Variants in STK32B observed in about 807,000 individuals in gnomAD.
The protein encoded by STK32B is serine/threonine kinase 32B, also known as serine/threonine-protein kinase 32B.
STK32B carries 43 observed loss-of-function variants against 52.6 expected under a neutral mutation model. The observed-to-expected ratio is 0.82, with a 90% CI of 0.64 to 1.05. The LOEUF is 1.05. Ranked by LOEUF, STK32B falls within the 50% of genes least tolerant of loss-of-function variation. STK32B has a pLI of 0.00. For missense variants in STK32B, 621 were observed against 534.6 expected, an observed-to-expected ratio of 1.16 and a Z score of -1.59; for synonymous variants, 238 against 204.3, an observed-to-expected ratio of 1.17 and a Z score of -1.41.
At chr4:5,282,965 A>G (rs28844367) in intron 3 of STK32B, among the ~76,000 whole-genome samples, 2,310 of 152,288 alleles carry the variant, frequency 0.015, 38 homozygotes, top group East Asian at 0.071. Context: ...AAACTACAGT[A>G]TACAATACAT....
chr4:5,134,777 A>G (rs1715979446), intron 1 of STK32B, among the ~76,000 whole-genome samples: 1 of 152,204 alleles, frequency 6.6e-6, no homozygotes, highest in Non-Finnish European at 1.5e-5. Context: ...CAGGAACGGG[A>G]TGTTTGCTTA....
At chr4:5,062,671 G>A (rs1164504681) in intron 1 of STK32B, among the ~76,000 whole-genome samples, 2 of 151,958 alleles carry the variant, frequency 1.3e-5, no homozygotes, top group African/African-American at 4.8e-5. Flanking sequence ...ACCATGCCCC[G>A]CTAATTTCTT....
rs1220200505 is a variant in STK32B, at chr4:5,398,257, C to CT, written c.472+14dup. On this transcript the variant is annotated intron_variant, in intron 5 of 11. Coordinates refer to ENST00000282908, the MANE Select transcript of STK32B (RefSeq NM_018401.3). The surrounding 1 kb of genome is among the most constrained non-coding windows in gnomAD (Gnocchi z 4.9). ...CTGGATGAACACGGTAAGCCTGCTA[C>CT]TAATCCTTTACAGGGACTCTCAGTG... 1 of 1,613,840 alleles carries CT rather than the reference C, an allele frequency of 6.2e-7. No individual in the cohort carries two copies. The highest frequency in any genetic ancestry group is 8.5e-7 in the Non-Finnish European group (1 of 1,179,972).
rs375929367 is a variant in STK32B, at chr4:5,316,869, T to A, written c.261-14351T>A. On this transcript the variant is annotated intron_variant, in intron 3 of 11. Transcript: ENST00000282908. Reference sequence around the variant, plus strand: ...ATAATATATTATATATATTATATATTATATATAATATATTATATATATTAT... The same window carrying A: ...ATAATATATTATATATATTATATATAATATATAATATATTATATATATTAT... 0.013 allele frequency among the ~76,000 whole-genome samples: 15 copies of A among 1,170 alleles called. No individual in the cohort carries two copies. In the East Asian group the frequency reaches 0.17, roughly 13 times the overall value. 0.8% of individuals were successfully genotyped at this position (1,170 alleles called of 152,430 possible).
At chr4:5,027,835 T>A in the STK32B span, among the ~76,000 whole-genome samples, 1 of 152,192 alleles carries the variant, frequency 6.6e-6, no homozygotes, top group South Asian at 2.1e-4. Flanking sequence ...TTGCCAGCAG[T>A]TAAGTCTTTT....
intron 3 of STK32B, among the ~76,000 whole-genome samples, chr4:5,207,020 C>T (rs901955016): frequency 6.6e-6 from 1 of 152,176 alleles, no homozygotes; most frequent in African/African-American, 2.4e-5. Context: ...AACTATGGCT[C>T]ATGGGCCAAA....
chr4:5,137,725 C>T (rs1025729450), intron 1 of STK32B, among the ~76,000 whole-genome samples: 1 of 152,312 alleles, frequency 6.6e-6, no homozygotes, highest in South Asian at 2.1e-4. Context: ...TCCTCCCAAA[C>T]TGTTAGATGT....
chr4:5,482,282 T>C (rs970946119), intron 11 of STK32B, among the ~76,000 whole-genome samples: 2 of 152,154 alleles, frequency 1.3e-5, no homozygotes, highest in Non-Finnish European at 2.9e-5. Flanking sequence ...TTGTAGTTCT[T>C]CTTGAAGAGG....
Position 5,053,904 on chromosome 4 carries a change from G to A in STK32B, c.52+1989G>A, listed in dbSNP as rs377676336. Among the ~76,000 whole-genome samples, 25 of 152,098 alleles carry A rather than the reference G, an allele frequency of 1.6e-4. No homozygotes were observed. The East Asian group carries it at 2.5e-3, about 15-fold the overall frequency. On this transcript the variant is annotated intron_variant, in intron 1 of 11. Transcript: ENST00000282908. ...TGAGGCAGGAGAATCGCTTGAACCCGGGAGGCGGAGGTTGCAGTGAGCTGA... is the reference window on the plus strand; with the variant it reads ...TGAGGCAGGAGAATCGCTTGAACCCAGGAGGCGGAGGTTGCAGTGAGCTGA...
At chr4:5,235,561 A>G (rs7680191) in intron 3 of STK32B, among the ~76,000 whole-genome samples, 129,001 of 151,864 alleles carry the variant, frequency 0.85, 56,415 homozygotes, top group Non-Finnish European at 0.96. Flanking sequence ...GATAATAGAA[A>G]GTTACACCTT....
chr4:5,479,674 C>T (rs1718525657), intron 11 of STK32B, among the ~76,000 whole-genome samples: 4 of 152,144 alleles, frequency 2.6e-5, no homozygotes, highest in Admixed American at 2.0e-4. Flanking sequence ...GGGTCTCTTC[C>T]AGGGATTCTA....
chr4:5,451,032 A>C (rs969477940), intron 7 of STK32B, among the ~76,000 whole-genome samples: 2 of 152,222 alleles, frequency 1.3e-5, no homozygotes, highest in Admixed American at 6.5e-5. Flanking sequence ...TGGCTTCCTC[A>C]TTCACAAAAG....
intron 3 of STK32B, among the ~76,000 whole-genome samples, chr4:5,263,760 C>T (rs1374298418): frequency 1.3e-5 from 2 of 152,236 alleles, no homozygotes; most frequent in Non-Finnish European, 2.9e-5. Flanking sequence ...ACTCTTATAA[C>T]TCACACTCAC....
At chr4:5,316,134 T>A (rs978700768) in intron 3 of STK32B, among the ~76,000 whole-genome samples, 5 of 98,146 alleles carry the variant, frequency 5.1e-5, no homozygotes, top group African/African-American at 4.0e-4. Flanking sequence ...ATTTTCAAGT[T>A]ATATATATAT....
chr4:5,052,655 A>C (rs1560127182), intron 1 of STK32B, among the ~76,000 whole-genome samples: 1 of 152,204 alleles, frequency 6.6e-6, no homozygotes, highest in Non-Finnish European at 1.5e-5. Context: ...ATGAAATGTG[A>C]GTTATGATAC....
At chr4:5,422,807 G>A (rs1712755418) in intron 6 of STK32B, among the ~76,000 whole-genome samples, 2 of 152,186 alleles carry the variant, frequency 1.3e-5, no homozygotes, top group African/African-American at 4.8e-5. Context: ...CTGGCATGAA[G>A]AGGGGGAGAT....
At chr4:5,092,529 C>T (rs538133851) in intron 1 of STK32B, among the ~76,000 whole-genome samples, 15 of 140,266 alleles carry the variant, frequency 1.1e-4, no homozygotes, top group East Asian at 8.3e-4. Context: ...AGCGAGACTC[C>T]GTCTCAAAAA....
intron 3 of STK32B, among the ~76,000 whole-genome samples, chr4:5,185,969 CA>C (rs1720707076): frequency 6.6e-6 from 1 of 152,182 alleles, no homozygotes; most frequent in South Asian, 2.1e-4. Context: ...CTCATCTCTC[CA>C]GGCCTCTGCT....
chr4:5,066,166 G>A (rs1454625714), intron 1 of STK32B, among the ~76,000 whole-genome samples: 1 of 152,118 alleles, frequency 6.6e-6, no homozygotes. Context: ...TTTTCTTCCA[G>A]AATTTCCTAG....
Sources: gnomAD v4.1 joint callset for allele counts (sites outside exome capture counted in the v4.1 genomes callset) on GRCh38, gnomAD v4.1.1 for gene constraint, Gnocchi (gnomAD v3.1) non-coding constraint, MANE v1.5 for transcripts, NCBI Gene and HGNC (gene_info 2026-07-23, HGNC 2026-07-21) for gene names.